USP42: variants seen among roughly 807,000 people sequenced by gnomAD.
The protein encoded by USP42 is ubiquitin carboxyl-terminal hydrolase 42.
Under a neutral mutation model 113.0 loss-of-function variants are expected in USP42, and 23 were observed. That is an observed-to-expected ratio of 0.20 (90% CI 0.15 to 0.29). USP42 has a LOEUF of 0.29. USP42 is among the 10% of genes least tolerant of loss of function. The probability of loss-of-function intolerance (pLI) is 1.00; values close to 1 mark genes in which losing one functional copy is unlikely to be tolerated. For synonymous variants in USP42, 933 were observed against 699.0 expected (o/e 1.33, Z -5.28); for missense variants, 2,174 against 1,779.8 (o/e 1.22, Z -3.99).
chr7:6,090,532 T>A, the USP42 span, among the ~76,000 whole-genome samples: 1 of 145,862 alleles, frequency 6.9e-6, no homozygotes, highest in African/African-American at 2.6e-5. Context: ...CTGGCTAACA[T>A]GGTGAAACCC....
chr7:6,096,397 A>C, the USP42 span, among the ~76,000 whole-genome samples: 1 of 151,206 alleles, frequency 6.6e-6, no homozygotes, highest in Non-Finnish European at 1.5e-5. Context: ...GCATCATTGC[A>C]TGGAGAGGAG....
intron 4 of USP42, 103 bp downstream of exon 4, chr7:6,136,054 G>A: frequency 1.4e-6 from 1 of 697,082 alleles, no homozygotes. Context: ...GCCTAGGCTG[G>A]AATGTAGTGG....
At position 6,159,806 on chromosome 7, in the gene USP42, C is replaced by A. The variant is rs551636315; in HGVS notation, c.*36+313C>A. On this transcript the variant is annotated intron_variant, in intron 17 of 17. Transcript: ENST00000306177. The surrounding 1 kb of genome is among the most constrained non-coding windows in gnomAD (Gnocchi z 4.1). ...ACCCGGCTCACAGCGGCAGAGCCCA[C>A]GGGCCTTTGATAAACATCTGGGAAG... 6.6e-6 allele frequency among the ~76,000 whole-genome samples: 1 copy of A among 152,246 alleles called. No homozygotes were observed. Among genetic ancestry groups the A allele is most frequent in the Admixed American group, 6.5e-5 (1 of 15,288 alleles).
chr7:6,128,936 T>TTGGACTA (rs1780689576), intron 3 of USP42, among the ~76,000 whole-genome samples: 1 of 152,202 alleles, frequency 6.6e-6, no homozygotes, highest in Middle Eastern at 3.2e-3. Flanking sequence ...TCCTCCTGCC[T>TTGGACTA]CAGCCCCGCA....
rs942118507 is a variant in USP42, at chr7:6,111,337, A to C, written c.204A>C (p.Val68=). 32 of 1,611,062 alleles carry C rather than the reference A, an allele frequency of 2.0e-5. No homozygotes were observed. The highest frequency in any genetic ancestry group is 2.5e-5 in the Non-Finnish European group (29 of 1,178,560). The change falls in exon 2 of 18, where the codon GTA becomes GTC. Residue 68 remains valine (V), a synonymous_variant. Transcript: ENST00000306177. ...PGAVVYSSSS[V]PDKSKPSPQK... ...CTGTAGTTTATTCGAGTTCATCTGTACCTGATAAATCAAAACCATCACCAC... is the reference window on the plus strand; with the variant it reads ...CTGTAGTTTATTCGAGTTCATCTGTCCCTGATAAATCAAAACCATCACCAC...
intron 14 of USP42, among the ~76,000 whole-genome samples, chr7:6,151,692 T>C (rs1453190564): frequency 6.6e-6 from 1 of 152,204 alleles, no homozygotes; most frequent in Admixed American, 6.5e-5. Context: ...ATCCACCCGC[T>C]GTGGCCTCCC....
At chr7:6,134,850 A>G (rs929393256) in intron 3 of USP42, among the ~76,000 whole-genome samples, 1 of 152,014 alleles carries the variant, frequency 6.6e-6, no homozygotes, top group African/African-American at 2.4e-5. Context: ...CAGTGGTGTG[A>G]TCACAGCTTA....
At chr7:6,095,212 C>T in the USP42 span, among the ~76,000 whole-genome samples, 1 of 151,210 alleles carries the variant, frequency 6.6e-6, no homozygotes, top group Non-Finnish European at 1.5e-5. Flanking sequence ...TCAGTGAACC[C>T]AGTGAGGGAT....
intron 15 of USP42, among the ~76,000 whole-genome samples, chr7:6,155,610 G>T (rs1299303402): frequency 3.3e-5 from 5 of 152,116 alleles, no homozygotes; most frequent in African/African-American, 1.2e-4. Context: ...CTGAAATTCA[G>T]TGGCTGTGAG....
At chr7:6,140,831 A>G (rs778560975) in intron 6 of USP42, 83 bp from the exon 7 acceptor site, 5 of 826,856 alleles carry the variant, frequency 6.0e-6, no homozygotes, top group Admixed American at 2.9e-5. Flanking sequence ...TTAAATTTCA[A>G]AATTGTATTT....
rs183717405 is a variant in USP42 at position 6,156,961 on chromosome 7, G to A, written c.3849G>A (p.Pro1283=). The A allele has an allele frequency of 4.6e-3, 7,459 of 1,613,756 alleles. 32 individuals carry two copies. The highest frequency in any genetic ancestry group is 5.5e-3 in the Non-Finnish European group (6,516 of 1,179,792). ...GTGGCTTTCCTCTCTCTGGTGGCCC[G>A]CCTCTGGAAGGCGTCGGACCTTTCC... ...AQGGFPLSGG[P]PLEGVGPFRE... Residue 1283 remains proline, a synonymous_variant, in exon 16 of 18, where the codon CCG becomes CCA. Transcript: ENST00000306177.
intron 14 of USP42, among the ~76,000 whole-genome samples, chr7:6,152,359 T>C (rs571164777): frequency 1.3e-5 from 2 of 152,356 alleles, no homozygotes; most frequent in Admixed American, 1.3e-4. Flanking sequence ...ACTGGGTGCC[T>C]TCCTGGAAAC....
intron 4 of USP42, among the ~76,000 whole-genome samples, chr7:6,136,652 T>C (rs1337994602): frequency 6.6e-6 from 1 of 152,214 alleles, no homozygotes; most frequent in Admixed American, 6.5e-5. Context: ...TTCAGTTTGG[T>C]GAATGAATAC....
intron 3 of USP42, among the ~76,000 whole-genome samples, chr7:6,117,614 C>T (rs1230193746): frequency 1.3e-5 from 2 of 152,170 alleles, no homozygotes; most frequent in African/African-American, 4.8e-5. Flanking sequence ...TTTTAAGAGA[C>T]TTCCAGACTT....
intron 4 of USP42, 72 bp downstream of exon 4, chr7:6,136,023 G>A (rs578027374): frequency 1.2e-4 from 79 of 679,470 alleles, no homozygotes; most frequent in East Asian, 5.2e-4. Flanking sequence ...TTTTTTTTTC[G>A]AGACAGAGTC....
At chr7:6,082,612 T>G in the USP42 span, among the ~76,000 whole-genome samples, 5 of 83,596 alleles carry the variant, frequency 6.0e-5, no homozygotes, top group Non-Finnish European at 1.2e-4. Flanking sequence ...TGTTTTTTTT[T>G]TTTTTTTTTT....
intron 17 of USP42, among the ~76,000 whole-genome samples, chr7:6,160,240 T>C (rs571058266): frequency 5.1e-4 from 77 of 152,354 alleles, no homozygotes; most frequent in African/African-American, 1.7e-3. Flanking sequence ...TAACAGGCTT[T>C]ATCAATGTGT....
In USP42 at chr7:6,150,432, G is replaced by T; in HGVS notation, c.2127G>T (p.Leu709=). The T allele has an allele frequency of 6.2e-7, 1 of 1,613,952 alleles. No individual in the cohort carries two copies. The stretch of plus-strand genomic sequence containing the variant: ...TGCAGTTGATGCCTGCTCCTTTGCT[G>T]TCTCTCCCAGAAGACAAAATCTTAG... ...LPGKLMPAPL[L]SLPEDKILET... The change falls in exon 14 of 18, where the codon CTG becomes CTT. Residue 709 remains leucine (L), a synonymous_variant. Coordinates refer to ENST00000306177, the MANE Select transcript of USP42 (RefSeq NM_032172.3).
intron 13 of USP42, 44 bp from the exon 14 acceptor site, chr7:6,150,368 T>C (rs1274750975): frequency 6.2e-7 from 1 of 1,611,412 alleles, no homozygotes; most frequent in Non-Finnish European, 8.5e-7. Flanking sequence ...TCAGGAGGCA[T>C]GGAGCTGGCG....
Sources: gnomAD v4.1 joint callset for allele counts (sites outside exome capture counted in the v4.1 genomes callset) on GRCh38, gnomAD v4.1.1 for gene constraint, Gnocchi (gnomAD v3.1) non-coding constraint, MANE v1.5 for transcripts, NCBI Gene and HGNC (gene_info 2026-07-23, HGNC 2026-07-21) for gene names.